ABTB3: variants seen among roughly 807,000 people sequenced by gnomAD.
The protein encoded by ABTB3 is ankyrin repeat- and BTB/POZ domain-containing protein 3.
At chr12:107,574,530 C>T in the ABTB3 span, among the ~76,000 whole-genome samples, 372 of 152,278 alleles carry the variant, frequency 2.4e-3, 2 homozygotes, top group Non-Finnish European at 4.0e-3. Context: ...CGAGACCAGC[C>T]TGGCCAACAT....
At chr12:107,339,506 A>G in the ABTB3 span, among the ~76,000 whole-genome samples, 1 of 152,224 alleles carries the variant, frequency 6.6e-6, no homozygotes, top group African/African-American at 2.4e-5. Context: ...GATCTTAATC[A>G]GTCATCATGT....
the ABTB3 span, among the ~76,000 whole-genome samples, chr12:107,369,715 T>G: frequency 6.8e-6 from 1 of 146,158 alleles, no homozygotes; most frequent in Non-Finnish European, 1.5e-5. Flanking sequence ...TGGTTTTTTT[T>G]TTTTTTTTTT....
chr12:107,416,518 G>A, the ABTB3 span, among the ~76,000 whole-genome samples: 1 of 150,400 alleles, frequency 6.6e-6, no homozygotes, highest in African/African-American at 2.4e-5. Context: ...AGTTAGGTAT[G>A]TTTGTTAAGA....
At chr12:107,597,545 A>G in the ABTB3 span, among the ~76,000 whole-genome samples, 5 of 152,182 alleles carry the variant, frequency 3.3e-5, no homozygotes, top group African/African-American at 1.2e-4. Context: ...AGCTCTTATC[A>G]CCTAATCACC....
At chr12:107,580,838 C>T in the ABTB3 span, 9 of 1,539,164 alleles carry the variant, frequency 5.8e-6, no homozygotes, top group African/African-American at 6.9e-5. Flanking sequence ...ACATGATCGC[C>T]GAGAGGGATA....
the ABTB3 span, among the ~76,000 whole-genome samples, chr12:107,353,141 G>A: frequency 2.0e-5 from 3 of 152,106 alleles, no homozygotes; most frequent in South Asian, 2.1e-4. Context: ...TCAGGTCATG[G>A]TAGACAGCTC....
At chr12:107,350,252 G>A in the ABTB3 span, among the ~76,000 whole-genome samples, 4 of 152,064 alleles carry the variant, frequency 2.6e-5, no homozygotes, top group African/African-American at 9.7e-5. Context: ...AGATAAAATG[G>A]TAAGAGTTCA....
the ABTB3 span, chr12:107,635,539 T>G: frequency 1.7e-6 from 1 of 586,678 alleles, no homozygotes; most frequent in African/African-American, 1.9e-5. Context: ...TCAGAATTTC[T>G]CCTTTATTAT....
At chr12:107,528,119 T>C in the ABTB3 span, among the ~76,000 whole-genome samples, 1 of 152,138 alleles carries the variant, frequency 6.6e-6, no homozygotes, top group Non-Finnish European at 1.5e-5. Context: ...GAGCCCACCA[T>C]TGGAATTTGT....
At chr12:107,452,694 T>C in the ABTB3 span, among the ~76,000 whole-genome samples, 1 of 151,902 alleles carries the variant, frequency 6.6e-6, no homozygotes, top group African/African-American at 2.4e-5. Flanking sequence ...ACAAAAAAAT[T>C]AGTCAGCGTG....
At chr12:107,555,928 A>G in the ABTB3 span, among the ~76,000 whole-genome samples, 2 of 152,140 alleles carry the variant, frequency 1.3e-5, no homozygotes, top group African/African-American at 4.8e-5. Flanking sequence ...CTACTGAAAC[A>G]TATGCCACAT....
the ABTB3 span, among the ~76,000 whole-genome samples, chr12:107,505,572 A>G: frequency 6.6e-6 from 1 of 151,898 alleles, no homozygotes; most frequent in African/African-American, 2.4e-5. Flanking sequence ...CTCATGCTAG[A>G]CAGATCAAAG....
the ABTB3 span, among the ~76,000 whole-genome samples, chr12:107,564,892 T>C: frequency 6.6e-6 from 1 of 152,240 alleles, no homozygotes; most frequent in Non-Finnish European, 1.5e-5. Context: ...TCCTACTTGT[T>C]ACACTGGGGC....
chr12:107,431,624 G>T, the ABTB3 span, among the ~76,000 whole-genome samples: 1 of 144,998 alleles, frequency 6.9e-6, no homozygotes, highest in South Asian at 2.5e-4. Flanking sequence ...ACCCGCCCCC[G>T]CACCCGCCCC....
the ABTB3 span, among the ~76,000 whole-genome samples, chr12:107,637,022 C>T: frequency 3.3e-5 from 5 of 152,326 alleles, no homozygotes; most frequent in Middle Eastern, 3.4e-3. Flanking sequence ...CCTGTAATCC[C>T]AGCACTTTGG....
At chr12:107,646,577 G>A in the ABTB3 span, among the ~76,000 whole-genome samples, 2 of 152,178 alleles carry the variant, frequency 1.3e-5, no homozygotes, top group Non-Finnish European at 2.9e-5. Flanking sequence ...ACAATGCTGT[G>A]TTATTGCACA....
chr12:107,402,361 C>G, the ABTB3 span, among the ~76,000 whole-genome samples: 2,494 of 152,294 alleles, frequency 0.016, 73 homozygotes, highest in African/African-American at 0.055. Flanking sequence ...GATTCCAAAT[C>G]TGGCTTGACC....
the ABTB3 span, among the ~76,000 whole-genome samples, chr12:107,468,803 G>A: frequency 1.3e-5 from 2 of 152,098 alleles, no homozygotes; most frequent in South Asian, 4.1e-4. Flanking sequence ...AATGGAGCAG[G>A]ATATAGGGGC....
the ABTB3 span, among the ~76,000 whole-genome samples, chr12:107,337,157 C>T: frequency 6.6e-6 from 1 of 152,244 alleles, no homozygotes; most frequent in African/African-American, 2.4e-5. Flanking sequence ...AGAAGCTTCA[C>T]AATTCTCCGG....
Sources: gnomAD v4.1 joint callset for allele counts (sites outside exome capture counted in the v4.1 genomes callset) on GRCh38, gnomAD v4.1.1 for gene constraint, MANE v1.5 for transcripts, NCBI Gene and HGNC (gene_info 2026-07-23, HGNC 2026-07-21) for gene names.